ACOX3: variants seen among roughly 807,000 people sequenced by gnomAD.
ACOX3 encodes the protein acyl-CoA oxidase 3, pristanoyl.
In ACOX3, 73 loss-of-function variants were observed where a neutral mutation model predicts 81.5. The ratio of observed to expected loss-of-function variants is 0.90; its 90% CI spans 0.74 to 1.09. ACOX3 has a LOEUF of 1.09. Ranked by LOEUF, ACOX3 falls within the 50% of genes least tolerant of loss-of-function variation. The probability of loss-of-function intolerance (pLI) is 0.00; values close to 1 mark genes in which losing one functional copy is unlikely to be tolerated. For missense variants in ACOX3, 947 were observed against 928.0 expected, an observed-to-expected ratio of 1.02 and a Z score of -0.27; for synonymous variants, 387 against 375.1, an observed-to-expected ratio of 1.03 and a Z score of -0.37.
chr4:8,397,492 C>T (rs1018930140), intron 8 of ACOX3, among the ~76,000 whole-genome samples: 1 of 152,244 alleles, frequency 6.6e-6, no homozygotes, highest in Non-Finnish European at 1.5e-5. Flanking sequence ...GTGGCCTGTA[C>T]TGCCAGAGGG....
chr4:8,401,779 G>T (rs969094171), intron 7 of ACOX3, among the ~76,000 whole-genome samples: 1 of 152,114 alleles, frequency 6.6e-6, no homozygotes, highest in South Asian at 2.1e-4. Flanking sequence ...AGGTGGTCCT[G>T]CCTGCCTGTG....
At chr4:8,420,244 A>G (rs1369723074) in intron 1 of ACOX3, among the ~76,000 whole-genome samples, 1 of 152,212 alleles carries the variant, frequency 6.6e-6, no homozygotes, top group African/African-American at 2.4e-5. Context: ...ATTATGGTAC[A>G]ACTGTTAGAG....
chr4:8,435,998 G>A lies in ACOX3; in HGVS notation c.-15+4650C>T, dbSNP rs1488755801. On this transcript the variant is annotated intron_variant, in intron 1 of 17. Transcript: ENST00000356406. ...AGTCAAGTGGGCCCTCTCAGATCTG[G>A]TCTTGCTGGAGCTATGCAAATGCCT... 4 of 152,340 alleles carry A rather than the reference G, an allele frequency of 2.6e-5. No homozygotes were observed. The East Asian group carries it at 7.7e-4, about 29-fold the overall frequency. 9.4% of individuals were successfully genotyped at this position (152,340 alleles called of 1,614,324 possible).
At chr4:8,379,116 AT>A (rs943694167) in intron 14 of ACOX3, among the ~76,000 whole-genome samples, 4 of 152,024 alleles carry the variant, frequency 2.6e-5, no homozygotes, top group African/African-American at 7.2e-5. Flanking sequence ...GTGTCTTCCG[AT>A]TTTGTTTAGA....
intron 16 of ACOX3, among the ~76,000 whole-genome samples, chr4:8,371,698 G>A (rs1444796344): frequency 1.3e-5 from 2 of 152,386 alleles, no homozygotes; most frequent in East Asian, 1.9e-4. Context: ...CTTCAGCGCC[G>A]CGCTCTGCAG....
In ACOX3 at chr4:8,367,350, G is replaced by A. The variant is rs540702485; in HGVS notation, c.1984-270C>T. ...AATTCAAAATTAGCCAGGTGTGGTG[G>A]TGCATGCCTGTAATCCCAGCTACTC... On this transcript the variant is annotated intron_variant, in intron 17 of 17. Coordinates refer to ENST00000356406, the MANE Select transcript of ACOX3 (RefSeq NM_003501.3). 2.0e-5 allele frequency among the ~76,000 whole-genome samples: 3 copies of A among 152,154 alleles called. No homozygotes were observed. In the South Asian group the frequency reaches 6.2e-4, roughly 32 times the overall value.
chr4:8,368,131 GGTGGCACGT>G lies in ACOX3; in HGVS notation c.1984-1060_1984-1052del, dbSNP rs1210678640. Among the ~76,000 whole-genome samples, 1 of 152,230 alleles carries G rather than the reference GGTGGCACGT, an allele frequency of 6.6e-6. No individual in the cohort carries two copies. The highest frequency in any genetic ancestry group is 2.4e-5 in the African/African-American group (1 of 41,458). ...ACCCCAGGCCGCTACAGGCCGCACA[GGTGGCACGT>G]GGCCACCAGCAGCAGGATGCCCTCG... On this transcript the variant is annotated intron_variant, in intron 17 of 17. Coordinates refer to ENST00000356406, the MANE Select transcript of ACOX3 (RefSeq NM_003501.3). The surrounding 1 kb of genome is among the most constrained non-coding windows in gnomAD (Gnocchi z 5.9).
At chr4:8,427,455 T>C (rs1426528093) in intron 1 of ACOX3, among the ~76,000 whole-genome samples, 1 of 152,122 alleles carries the variant, frequency 6.6e-6, no homozygotes, top group Non-Finnish European at 1.5e-5. Context: ...TCCACCCCCC[T>C]CCAGATCCAG....
chr4:8,402,755 G>A (rs1720509715), intron 7 of ACOX3, among the ~76,000 whole-genome samples: 1 of 152,252 alleles, frequency 6.6e-6, no homozygotes, highest in Admixed American at 6.5e-5. Context: ...CACAGGAGTT[G>A]TGTGTGTGTG....
At chr4:8,377,325 A>AGTGACACAGCTTGATACAGCG (rs1474475194) in intron 14 of ACOX3, among the ~76,000 whole-genome samples, 136 of 152,332 alleles carry the variant, frequency 8.9e-4, no homozygotes, top group African/African-American at 3.1e-3. Context: ...TTTCCATGAA[A>AGTGACACAGCTTGATACAGCG]GTGACACAGC....
chr4:8,357,000 G>A, the ACOX3 span: 111 of 448,202 alleles, frequency 2.5e-4, no homozygotes, highest in African/African-American at 1.9e-3. Context: ...TGAGGGGAAG[G>A]AAGTGTGCAG....
At chr4:8,401,657 C>A (rs1720388920) in intron 7 of ACOX3, among the ~76,000 whole-genome samples, 1 of 152,226 alleles carries the variant, frequency 6.6e-6, no homozygotes, top group Admixed American at 6.5e-5. Flanking sequence ...GAGGATCCCC[C>A]CAAGCTGACC....
At position 8,381,140 on chromosome 4, in the gene ACOX3, C is replaced by T. The variant is rs1031331548; in HGVS notation, c.1653+352G>A. ...AAAACCAAGCAGGGCGCTGGCATCA[C>T]TCCCACGAGTCAGGAGGGAGTGCTC... is the stretch of plus-strand genomic sequence containing the variant. On this transcript the variant is annotated intron_variant, in intron 14 of 17. Coordinates refer to ENST00000356406, the MANE Select transcript of ACOX3 (RefSeq NM_003501.3). This position sits in a 1 kb window ranked among gnomAD's most constrained non-coding sequence, Gnocchi z 4.3. Among the ~76,000 whole-genome samples the T allele has an allele frequency of 2.2e-4, 34 of 152,228 alleles. No homozygotes were observed. The highest frequency in any genetic ancestry group is 8.2e-4 in the African/African-American group (34 of 41,456).
chr4:8,432,494 A>G lies in ACOX3; in HGVS notation c.-15+8154T>C, dbSNP rs776954759. On this transcript the variant is annotated intron_variant, in intron 1 of 17. Coordinates refer to ENST00000356406, the MANE Select transcript of ACOX3 (RefSeq NM_003501.3). The surrounding 1 kb of genome is among the most constrained non-coding windows in gnomAD (Gnocchi z 6.2). ...GTGATCCACCCACCTCGGCCTCCCA[A>G]TGTGCTGGGATTACAGGCGTGAGCC... Among the ~76,000 whole-genome samples the G allele has an allele frequency of 8.5e-5, 13 of 152,172 alleles. No homozygotes were observed. Among genetic ancestry groups the G allele is most frequent in the Admixed American group, 3.9e-4 (6 of 15,296 alleles).
At chr4:8,360,664 G>A in the ACOX3 span, among the ~76,000 whole-genome samples, 1 of 152,124 alleles carries the variant, frequency 6.6e-6, no homozygotes, top group Admixed American at 6.5e-5. Context: ...AGTAGATACA[G>A]GGTTTCACTG....
chr4:8,413,123 G>C (rs1277488950), intron 5 of ACOX3, among the ~76,000 whole-genome samples: 119 of 83,494 alleles, frequency 1.4e-3, no homozygotes, highest in South Asian at 2.3e-3. Flanking sequence ...CCATCTCACT[G>C]CACCCCTGCG....
At chr4:8,356,910 G>A in the ACOX3 span, 3 of 456,136 alleles carry the variant, frequency 6.6e-6, no homozygotes, top group South Asian at 4.7e-5. Context: ...GCAGAACAGT[G>A]CACACTAACA....
downstream of ACOX3, among the ~76,000 whole-genome samples, chr4:8,365,658 C>G (rs1356729098): frequency 6.6e-6 from 1 of 152,194 alleles, no homozygotes; most frequent in Admixed American, 6.5e-5. Context: ...ATCCTGAGTG[C>G]TCAGTAAGGT....
intron 11 of ACOX3, among the ~76,000 whole-genome samples, chr4:8,391,102 T>G (rs1282756024): frequency 1.3e-5 from 2 of 152,202 alleles, no homozygotes; most frequent in Admixed American, 6.5e-5. Context: ...TCATCTTTGT[T>G]GTCTGCAGTA....
Sources: allele counts gnomAD v4.1 joint callset (sites outside exome capture counted in the v4.1 genomes callset), GRCh38; gene constraint gnomAD v4.1.1; non-coding constraint Gnocchi (gnomAD v3.1); transcripts MANE v1.5; gene names NCBI Gene and HGNC (gene_info 2026-07-23, HGNC 2026-07-21).